PTPRK: variants seen among roughly 807,000 people sequenced by gnomAD.
The protein encoded by PTPRK is receptor-type tyrosine-protein phosphatase kappa.
Under a neutral mutation model 178.0 loss-of-function variants are expected in PTPRK, and 75 were observed. The observed-to-expected ratio is 0.42, with a 90% CI of 0.35 to 0.51. The LOEUF (loss-of-function observed/expected upper bound fraction) is 0.51, where lower values mean the gene tolerates loss of function less well. Ranked by LOEUF, PTPRK falls within the 20% of genes least tolerant of loss-of-function variation. PTPRK has a pLI of 0.02. For missense variants in PTPRK, 1,441 were observed against 1,797.8 expected (o/e 0.80, Z 3.59); for synonymous variants, 637 against 620.6 (o/e 1.03, Z -0.39).
chr6:128,284,669 T>C (rs1415940664), intron 3 of PTPRK, among the ~76,000 whole-genome samples: 1 of 152,234 alleles, frequency 6.6e-6, no homozygotes, highest in Non-Finnish European at 1.5e-5. Flanking sequence ...GATGCATTTA[T>C]AGGACATTTT....
At chr6:128,179,323 A>G (rs1241282879) in intron 7 of PTPRK, among the ~76,000 whole-genome samples, 2 of 152,048 alleles carry the variant, frequency 1.3e-5, no homozygotes, top group African/African-American at 4.8e-5. Flanking sequence ...TTTTTCAAAC[A>G]GAAGTATTCT....
chr6:127,980,982 T>A (rs1775278312), intron 25 of PTPRK, 134 bp downstream of exon 25: 1 of 832,222 alleles, frequency 1.2e-6, no homozygotes, highest in East Asian at 2.7e-5. Flanking sequence ...TCCAAAAAAA[T>A]GTGTTTCAAT....
intron 7 of PTPRK, among the ~76,000 whole-genome samples, chr6:128,121,730 G>A (rs1369421279): frequency 6.6e-6 from 1 of 151,876 alleles, no homozygotes; most frequent in Non-Finnish European, 1.5e-5. Flanking sequence ...TCCAAATGTT[G>A]AGTGAATTTT....
intron 13 of PTPRK, among the ~76,000 whole-genome samples, chr6:128,018,426 T>C (rs1779855082): frequency 2.0e-5 from 3 of 151,990 alleles, no homozygotes; most frequent in African/African-American, 7.2e-5. Flanking sequence ...TTTCATAGCA[T>C]CAGTTGGTAA....
intron 7 of PTPRK, among the ~76,000 whole-genome samples, chr6:128,123,434 G>A (rs111897055): frequency 0.026 from 3,908 of 152,132 alleles, 78 homozygotes; most frequent in Middle Eastern, 0.092. Flanking sequence ...TAAAGGTCAG[G>A]CCTGCATGTA....
At chr6:128,097,355 T>C (rs930239552) in intron 7 of PTPRK, among the ~76,000 whole-genome samples, 1 of 152,104 alleles carries the variant, frequency 6.6e-6, no homozygotes, top group Admixed American at 6.6e-5. Flanking sequence ...ACAAAACAAG[T>C]CATCACCACT....
At chr6:128,351,574 T>G (rs1437873852) in intron 2 of PTPRK, among the ~76,000 whole-genome samples, 6 of 152,206 alleles carry the variant, frequency 3.9e-5, no homozygotes, top group Admixed American at 3.3e-4. Flanking sequence ...TTCCTTAAAA[T>G]GTACCCCAGA....
At chr6:128,328,271 T>C (rs1443375883) in intron 2 of PTPRK, among the ~76,000 whole-genome samples, 3 of 152,126 alleles carry the variant, frequency 2.0e-5, no homozygotes, top group African/African-American at 7.2e-5. Flanking sequence ...GGGCAGGTAA[T>C]GAAGGACAAA....
intron 2 of PTPRK, among the ~76,000 whole-genome samples, chr6:128,368,488 T>G (rs889328985): frequency 2.6e-5 from 4 of 152,120 alleles, no homozygotes; most frequent in Non-Finnish European, 5.9e-5. Flanking sequence ...TGGAGCTTCC[T>G]TTGAATAATC....
chr6:128,507,277 C>G (rs1856513829), intron 1 of PTPRK, among the ~76,000 whole-genome samples: 1 of 152,044 alleles, frequency 6.6e-6, no homozygotes, highest in South Asian at 2.1e-4. Context: ...ATTTTTGAAC[C>G]TTGGGTATAT....
rs560760102 is a variant in PTPRK, at chr6:128,216,829, G to A, written c.868+2093C>T. 3.3e-5 allele frequency among the ~76,000 whole-genome samples: 5 copies of A among 152,234 alleles called. 1 individual carries two copies. In the South Asian group the frequency reaches 1.0e-3, roughly 32 times the overall value. ...ACTATACATATAAAGGGAGCACCTG[G>A]ATAAAAGCATAAACAGGTCTTCTAC... On this transcript the variant is annotated intron_variant, in intron 6 of 29. Coordinates refer to ENST00000368226, the MANE Select transcript of PTPRK (RefSeq NM_002844.4).
intron 7 of PTPRK, among the ~76,000 whole-genome samples, chr6:128,169,741 A>T (rs1435310593): frequency 6.6e-6 from 1 of 151,388 alleles, no homozygotes; most frequent in Non-Finnish European, 1.5e-5. Context: ...GTTATTGTTA[A>T]GCATTTCTTT....
At position 128,519,737 on chromosome 6, in the gene PTPRK, G is replaced by T. The variant is rs544461388; in HGVS notation, c.100+522C>A. ...CCAGAGCTGGGGGAGGAGAAAAGGG[G>T]ACTCCGGGAGGGACGGGGAAGTAGT... On this transcript the variant is annotated intron_variant, in intron 1 of 29. Coordinates refer to ENST00000368226, the MANE Select transcript of PTPRK (RefSeq NM_002844.4). The surrounding 1 kb of genome is among the most constrained non-coding windows in gnomAD (Gnocchi z 4.3). 9.2e-5 allele frequency among the ~76,000 whole-genome samples: 14 copies of T among 152,342 alleles called. No homozygotes were observed. Among genetic ancestry groups the T allele is most frequent in the African/African-American group, 3.1e-4 (13 of 41,586 alleles).
intron 2 of PTPRK, among the ~76,000 whole-genome samples, chr6:128,394,290 T>G (rs1251694517): frequency 6.6e-6 from 1 of 152,156 alleles, no homozygotes; most frequent in African/African-American, 2.4e-5. Context: ...ATTTGGGTTG[T>G]TTTTAGCTTG....
intron 13 of PTPRK, among the ~76,000 whole-genome samples, chr6:128,025,912 T>C (rs1368536948): frequency 6.6e-6 from 1 of 152,228 alleles, no homozygotes; most frequent in Non-Finnish European, 1.5e-5. Context: ...ATCCTTTACT[T>C]AATCACATTT....
intron 1 of PTPRK, among the ~76,000 whole-genome samples, chr6:128,483,178 C>T (rs776305708): frequency 1.3e-5 from 2 of 152,128 alleles, no homozygotes; most frequent in African/African-American, 2.4e-5. Flanking sequence ...CTACAAAAGT[C>T]GTGTTTTTTC....
intron 2 of PTPRK, among the ~76,000 whole-genome samples, chr6:128,327,431 T>C (rs1047884783): frequency 1.3e-5 from 2 of 152,156 alleles, no homozygotes; most frequent in South Asian, 2.1e-4. Context: ...CTTTCCATGA[T>C]CTTATCCCAA....
chr6:128,334,211 C>G (rs1830626770), intron 2 of PTPRK, among the ~76,000 whole-genome samples: 2 of 151,912 alleles, frequency 1.3e-5, no homozygotes, highest in Non-Finnish European at 2.9e-5. Context: ...TGAGAATTAC[C>G]AAAATGTTAC....
rs1018896293 is a variant in PTPRK, at chr6:128,392,880, A to T, written c.223+4686T>A. Among the ~76,000 whole-genome samples the T allele has an allele frequency of 5.3e-5, 8 of 152,324 alleles. 1 individual carries two copies. The highest frequency in any genetic ancestry group is 3.4e-3 in the Middle Eastern group (1 of 294). On this transcript the variant is annotated intron_variant, in intron 2 of 29. Coordinates refer to ENST00000368226, the MANE Select transcript of PTPRK (RefSeq NM_002844.4). The stretch of plus-strand genomic sequence containing the variant: ...ATCTTAATAATTATGTAAGGGTCTA[A>T]TTACATAAAAATCTCAACTCAATAT...
Sources: gnomAD v4.1 joint callset for allele counts (sites outside exome capture counted in the v4.1 genomes callset) on GRCh38, gnomAD v4.1.1 for gene constraint, Gnocchi (gnomAD v3.1) non-coding constraint, MANE v1.5 for transcripts, NCBI Gene and HGNC (gene_info 2026-07-23, HGNC 2026-07-21) for gene names.